The following TMED7 variants were observed in gnomAD, a reference collection of about 807,000 sequenced individuals.
TMED7 encodes transmembrane emp24 domain-containing protein 7.
TMED7 carries 8 observed loss-of-function variants against 23.4 expected under a neutral mutation model. The ratio of observed to expected loss-of-function variants is 0.34; its 90% CI spans 0.20 to 0.62. TMED7 has a LOEUF of 0.62. TMED7 is among the 20% of genes least tolerant of loss of function. TMED7 has a pLI of 0.77. For missense variants in TMED7, 232 were observed against 279.1 expected (o/e 0.83, Z 1.20); for synonymous variants, 121 against 108.5 (o/e 1.12, Z -0.72).
chr5:115,620,201 T>A, intron 2 of TMED7: 1 of 451,664 alleles, frequency 2.2e-6, no homozygotes. Flanking sequence ...ATCTTCCTCC[T>A]TATTTTAATG....
Position 115,615,043 on chromosome 5 carries a change from T to C in TMED7, c.*1166A>G, listed in dbSNP as rs1182309486. Reference sequence around the variant, plus strand: ...TTTCAATCAGCTCAATCTATACAAGTTATAAGATGCAACACAATGTAAACC... The same window carrying C: ...TTTCAATCAGCTCAATCTATACAAGCTATAAGATGCAACACAATGTAAACC... On this transcript the variant is annotated 3_prime_UTR_variant, in exon 3 of 3. Coordinates refer to ENST00000456936, the MANE Select transcript of TMED7 (RefSeq NM_181836.6). 6.6e-6 allele frequency: 1 copy of C among 152,076 alleles called. No individual in the cohort carries two copies. Among genetic ancestry groups the C allele is most frequent in the Non-Finnish European group, 1.5e-5 (1 of 67,952 alleles). 9.4% of individuals were successfully genotyped at this position (152,076 alleles called of 1,614,324 possible).
intron 1 of TMED7, among the ~76,000 whole-genome samples, chr5:115,621,355 T>A (rs1432620272): frequency 6.6e-6 from 1 of 152,240 alleles, no homozygotes; most frequent in African/African-American, 2.4e-5. Flanking sequence ...CGGAGTGGGC[T>A]ATTCTAAAAG....
intron 2 of TMED7, 32 bp from the exon 3 acceptor site, chr5:115,616,477 G>A (rs1437336946): frequency 1.2e-6 from 2 of 1,613,270 alleles, no homozygotes; most frequent in African/African-American, 1.3e-5. Flanking sequence ...CAGTATGTGT[G>A]ATACTTTCTG....
chr5:115,617,999 G>T (rs189604915), intron 2 of TMED7, among the ~76,000 whole-genome samples: 1,707 of 152,302 alleles, frequency 0.011, 36 homozygotes, highest in African/African-American at 0.039. Flanking sequence ...TTACCATGTT[G>T]GTCAGGCTGG....
chr5:115,625,990 G>T lies in TMED7; in HGVS notation c.-198C>A. ...GGGCGCAGACGGGCGGACCTGGGGA[G>T]GTAAAAGAGAAGCGGAAAAGGCCTG... On this transcript the variant is annotated 5_prime_UTR_variant, in exon 1 of 3. Transcript: ENST00000456936. The T allele has an allele frequency of 1.5e-6, 1 of 680,876 alleles. No homozygotes were observed. Among genetic ancestry groups the T allele is most frequent in the South Asian group, 5.5e-5 (1 of 18,278 alleles). 42.2% of individuals were successfully genotyped at this position (680,876 alleles called of 1,614,324 possible).
In TMED7 at chr5:115,621,578, C is replaced by T. The variant is rs147136212; in HGVS notation, c.193-898G>A. On this transcript the variant is annotated intron_variant, in intron 1 of 2. Coordinates refer to ENST00000456936, the MANE Select transcript of TMED7 (RefSeq NM_181836.6). Reference sequence around the variant, plus strand: ...AACAGAACTGTGGAACTACTTTCCACGGCTTATGCTTAATCAGTTACAATT... The same window carrying T: ...AACAGAACTGTGGAACTACTTTCCATGGCTTATGCTTAATCAGTTACAATT... Among the ~76,000 whole-genome samples, 305 of 152,190 alleles carry T rather than the reference C, an allele frequency of 2.0e-3. 1 individual carries two copies. The highest frequency in any genetic ancestry group is 3.4e-3 in the Middle Eastern group (1 of 294).
Position 115,622,767 on chromosome 5 carries a change from C to CAAAT in TMED7, c.193-2088_193-2087insATTT, listed in dbSNP as rs1309048126. Among the ~76,000 whole-genome samples the CAAAT allele has an allele frequency of 7.9e-5, 12 of 152,302 alleles. No individual in the cohort carries two copies. In the East Asian group the frequency reaches 1.9e-3, roughly 24 times the overall value. On this transcript the variant is annotated intron_variant, in intron 1 of 2. Coordinates refer to ENST00000456936, the MANE Select transcript of TMED7 (RefSeq NM_181836.6). The stretch of plus-strand genomic sequence containing the variant: ...AACCTCTTAACAATGGTATACTATT[C>CAAAT]ACATGTTCTTCCTCCCAGGTAGCTT...
At position 115,621,828 on chromosome 5, in the gene TMED7, T is replaced by C. The variant is rs73260565; in HGVS notation, c.193-1148A>G. Among the ~76,000 whole-genome samples the C allele has an allele frequency of 8.9e-3, 1,350 of 152,294 alleles. 15 individuals carry two copies. The highest frequency in any genetic ancestry group is 0.031 in the African/African-American group (1,284 of 41,550). The stretch of plus-strand genomic sequence containing the variant: ...CACCATGTGATTGGGGAGCACAAGA[T>C]TGTTATTTTCAACCTTGAACTCTCT... On this transcript the variant is annotated intron_variant, in intron 1 of 2. Transcript: ENST00000456936.
intron 2 of TMED7, among the ~76,000 whole-genome samples, chr5:115,618,517 T>C (rs77090258): frequency 0.013 from 1,955 of 152,296 alleles, 49 homozygotes; most frequent in African/African-American, 0.045. Context: ...TTCCTTGCCA[T>C]CAACCCCTAT....
Position 115,625,800 on chromosome 5 carries a change from A to G in TMED7, c.-8T>C. The G allele has an allele frequency of 7.1e-7, 1 of 1,409,562 alleles. No homozygotes were observed. Among genetic ancestry groups the G allele is most frequent in the Non-Finnish European group, 9.2e-7 (1 of 1,087,032 alleles). The allele number at this position is 1,409,562 out of a possible 1,614,324, so 87.3% of individuals were successfully genotyped here. A position where few individuals can be genotyped will look rare whatever the true frequency, so the allele number is the denominator to read the frequency against. On this transcript the variant is annotated 5_prime_UTR_variant, in exon 1 of 3. Coordinates refer to ENST00000456936, the MANE Select transcript of TMED7 (RefSeq NM_181836.6). ...GGACCCCGGCCGCGGCATCCCGAGA[A>G]GGCGGCGGCGGCCTCAACCGAGCTG...
chr5:115,624,799 T>A (rs1757145909), intron 1 of TMED7, among the ~76,000 whole-genome samples: 1 of 152,214 alleles, frequency 6.6e-6, no homozygotes, highest in South Asian at 2.1e-4. Context: ...CCAAAGGAAG[T>A]CTTCCTTCAT....
rs542073900 is a variant in TMED7, at chr5:115,625,878, G to A, written c.-86C>T. ...CTCACCGCGCGCGGCAGGCCTCAGCGCAGGCCACCCCGCAAAGATACACAG... is the reference window on the plus strand; with the variant it reads ...CTCACCGCGCGCGGCAGGCCTCAGCACAGGCCACCCCGCAAAGATACACAG... On this transcript the variant is annotated 5_prime_UTR_variant, in exon 1 of 3. Transcript: ENST00000456936. 3.4e-3 allele frequency: 4,504 copies of A among 1,320,760 alleles called. 6 individuals are homozygous for A. Among genetic ancestry groups the A allele is most frequent in the Non-Finnish European group, 3.8e-3 (3,967 of 1,041,554 alleles). 81.8% of individuals were successfully genotyped at this position (1,320,760 alleles called of 1,614,324 possible). A position where few individuals can be genotyped will look rare whatever the true frequency, so the allele number is the denominator to read the frequency against.
chr5:115,622,515 CT>C (rs1380210426), intron 1 of TMED7, among the ~76,000 whole-genome samples: 1 of 152,158 alleles, frequency 6.6e-6, no homozygotes, highest in African/African-American at 2.4e-5. Context: ...CCATTTTGAA[CT>C]GAATAATTCT....
At chr5:115,625,459 T>TAAA in intron 1 of TMED7, 142 bp downstream of exon 1, 6 of 969,172 alleles carry the variant, frequency 6.2e-6, no homozygotes, top group Non-Finnish European at 8.4e-6. Context: ...GAAAGTCAAA[T>TAAA]GCTGGGCATC....
chr5:115,622,813 C>A (rs969359248), intron 1 of TMED7, among the ~76,000 whole-genome samples: 1 of 152,204 alleles, frequency 6.6e-6, no homozygotes, highest in African/African-American at 2.4e-5. Context: ...TTTATTCACA[C>A]CCTTACTCGT....
At chr5:115,624,710 A>G (rs1757141944) in intron 1 of TMED7, among the ~76,000 whole-genome samples, 1 of 152,216 alleles carries the variant, frequency 6.6e-6, no homozygotes, top group South Asian at 2.1e-4. Flanking sequence ...AGTGTTCACT[A>G]CTACCACAGG....
At chr5:115,619,266 G>C (rs1334242712) in intron 2 of TMED7, 4 of 152,110 alleles carry the variant, frequency 2.6e-5, no homozygotes, top group Non-Finnish European at 2.9e-5. Context: ...TTAAAATAAA[G>C]AGAACATTTC....
intron 1 of TMED7, among the ~76,000 whole-genome samples, chr5:115,623,187 T>C (rs1373845084): frequency 6.6e-6 from 1 of 152,242 alleles, no homozygotes; most frequent in Non-Finnish European, 1.5e-5. Flanking sequence ...TGTGGGCTCC[T>C]TCGGCTTCCC....
At chr5:115,623,669 T>C (rs1757110204) in intron 1 of TMED7, among the ~76,000 whole-genome samples, 1 of 152,218 alleles carries the variant, frequency 6.6e-6, no homozygotes, top group Non-Finnish European at 1.5e-5. Context: ...CATATCTGCC[T>C]GGGGCCCCTT....
Sources: gnomAD v4.1 joint callset for allele counts (sites outside exome capture counted in the v4.1 genomes callset) on GRCh38, gnomAD v4.1.1 for gene constraint, MANE v1.5 for transcripts, NCBI Gene and HGNC (gene_info 2026-07-23, HGNC 2026-07-21) for gene names.